The following ITGA2 variants were observed in gnomAD, a reference collection of about 807,000 sequenced individuals.
ITGA2 encodes the protein integrin alpha-2.
A neutral mutation model predicts 146.3 loss-of-function variants in ITGA2; 101 were observed. The observed-to-expected ratio is 0.69, with a 90% CI of 0.59 to 0.81. ITGA2 has a LOEUF of 0.81. Ranked by LOEUF, ITGA2 falls within the 40% of genes least tolerant of loss-of-function variation. The pLI is 0.00. For missense variants in ITGA2, 1,281 were observed against 1,402.7 expected (o/e 0.91, Z 1.39); for synonymous variants, 477 against 487.1 (o/e 0.98, Z 0.27).
rs1342019678 is a variant in ITGA2 at position 53,065,959 on chromosome 5, G to T, written c.1925G>T (p.Gly642Val). The change falls in exon 15 of 30, where the codon GGA becomes GTA. Residue 642 changes from glycine to valine, a missense_variant. Physicochemically the swap from Gly to Val is moderately radical, Grantham distance 109 (BLOSUM62 -3). Transcript: ENST00000296585. ...SITDVSIGAFGQVVQLWSQSI... is the reference protein window; with the variant it reads ...SITDVSIGAFVQVVQLWSQSI... ...ACCGATGTGTCTATTGGTGCCTTTG[G>T]ACAAGTGGTTCAACTCTGGTGAGTC... 1.2e-6 allele frequency: 2 copies of T among 1,611,842 alleles called. No homozygotes were observed. Among genetic ancestry groups the T allele is most frequent in the African/African-American group, 2.7e-5 (2 of 74,718 alleles).
At chr5:53,077,825 T>C (rs1306721417) in intron 23 of ITGA2, among the ~76,000 whole-genome samples, 1 of 151,976 alleles carries the variant, frequency 6.6e-6, no homozygotes, top group Non-Finnish European at 1.5e-5. Flanking sequence ...AAATTCTACT[T>C]CAGAAAATAT....
At position 53,056,029 on chromosome 5, in the gene ITGA2, A is replaced by T. The variant is rs752951302; in HGVS notation, c.976A>T (p.Ile326Leu). The T allele has an allele frequency of 9.9e-6, 16 of 1,608,964 alleles. No homozygotes were observed. The East Asian group carries it at 3.4e-4, about 34-fold the overall frequency. Reference sequence around the variant, plus strand: ...AAACGCCCTTGATACTAAAAATTTAATAAAAGAAATAAAAGCAATCGCTAG... The same window carrying T: ...AAACGCCCTTGATACTAAAAATTTATTAAAAGAAATAAAAGCAATCGCTAG... ...NRNALDTKNL[I>L]KEIKAIASIP... The change falls in exon 9 of 30, where the codon ATA becomes TTA. Residue 326 changes from isoleucine (I) to leucine (L), a missense_variant. Ile to Leu is a conservative substitution (Grantham distance 5). This residue lies in a region of ITGA2 where 795 missense variants were observed against 841.7 expected (regional missense o/e 0.94). Coordinates refer to ENST00000296585, the MANE Select transcript of ITGA2 (RefSeq NM_002203.4).
Position 53,058,106 on chromosome 5 carries a change from G to A in ITGA2, c.1173+5G>A, listed in dbSNP as rs200093915. The A allele has an allele frequency of 1.4e-5, 23 of 1,600,702 alleles. No individual in the cohort carries two copies. The highest frequency in any genetic ancestry group is 2.7e-5 in the African/African-American group (2 of 74,684). On this transcript the variant is annotated splice_donor_5th_base_variant and intron_variant, in intron 10 of 29. Coordinates refer to ENST00000296585, the MANE Select transcript of ITGA2 (RefSeq NM_002203.4). ...GCAGATTACTCTTCTCAAAATGTGC[G>A]TATATCAGATAGCTTCAAGCCATGT...
At chr5:53,052,047 T>C (rs1332959037) in intron 7 of ITGA2, among the ~76,000 whole-genome samples, 1 of 152,142 alleles carries the variant, frequency 6.6e-6, no homozygotes, top group African/African-American at 2.4e-5. Flanking sequence ...TCTCAATTTC[T>C]CTATTTTCTC....
chr5:53,081,086 G>T (rs3212616), intron 25 of ITGA2, among the ~76,000 whole-genome samples: 133,752 of 152,070 alleles, frequency 0.88, 59,327 homozygotes, highest in Admixed American at 0.92. Context: ...TAAATCAGAA[G>T]CTCTAGGGGT....
In ITGA2 at chr5:53,067,570, C is replaced by A. The variant is rs531102686; in HGVS notation, c.2083+313C>A. Reference sequence around the variant, plus strand: ...TCTTACTTAAAACCTTGAGCATACACAGATTATGCTGAACTGCCACTCAAA... The same window carrying A: ...TCTTACTTAAAACCTTGAGCATACAAAGATTATGCTGAACTGCCACTCAAA... On this transcript the variant is annotated intron_variant, in intron 16 of 29. Transcript: ENST00000296585. Among the ~76,000 whole-genome samples, 72 of 151,962 alleles carry A rather than the reference C, an allele frequency of 4.7e-4. 1 individual carries two copies. Among genetic ancestry groups the A allele is most frequent in the Middle Eastern group, 3.4e-3 (1 of 294 alleles).
intron 1 of ITGA2, among the ~76,000 whole-genome samples, chr5:53,016,022 G>T (rs996969712): frequency 1.3e-5 from 2 of 152,144 alleles, no homozygotes; most frequent in African/African-American, 4.8e-5. Context: ...ATACACTCGG[G>T]TCTTGCTTCT....
rs761499417 is a variant in ITGA2 at position 53,073,122 on chromosome 5, C to A, written c.2434C>A (p.Gln812Lys). The A allele has an allele frequency of 2.5e-5, 41 of 1,611,698 alleles. No individual in the cohort carries two copies. The highest frequency in any genetic ancestry group is 3.5e-5 in the Non-Finnish European group (41 of 1,178,548). ...CCTCCTTTTTACTTTTAACAGAGAA[C>A]AACCCTTTATTGTCAGCAACCAAAA... ...DVRQIPAAQE[Q>K]PFIVSNQNKR... The change falls in exon 20 of 30, where the codon CAA becomes AAA. Residue 812 changes from glutamine to lysine, a missense_variant. Gln to Lys is a moderately conservative substitution (Grantham distance 53). Transcript: ENST00000296585.
intron 23 of ITGA2, 44 bp from the exon 24 acceptor site, chr5:53,078,727 CA>C: frequency 8.8e-7 from 1 of 1,135,170 alleles, no homozygotes; most frequent in South Asian, 1.2e-5. Flanking sequence ...CCTTCAAGAA[CA>C]AAAGCAAACT....
chr5:53,078,979 G>A (rs774520598), intron 24 of ITGA2, 105 bp downstream of exon 24: 114 of 738,128 alleles, frequency 1.5e-4, no homozygotes, highest in South Asian at 1.9e-4. Flanking sequence ...AAAGAGATCC[G>A]TGGTTCTCAA....
intron 1 of ITGA2, among the ~76,000 whole-genome samples, chr5:53,018,513 C>T (rs770839479): frequency 5.9e-5 from 9 of 151,756 alleles, no homozygotes; most frequent in Non-Finnish European, 1.3e-4. Flanking sequence ...GCCCAGCATC[C>T]GTGTCCTCCC....
chr5:52,998,663 C>T (rs1741405363), intron 1 of ITGA2, among the ~76,000 whole-genome samples: 1 of 152,254 alleles, frequency 6.6e-6, no homozygotes, highest in Non-Finnish European at 1.5e-5. Flanking sequence ...CTCACTTGGA[C>T]CCTTCCATAG....
At position 53,059,890 on chromosome 5, in the gene ITGA2, G is replaced by T. The variant is rs1408527772; in HGVS notation, c.1190G>T (p.Gly397Val). The T allele has an allele frequency of 6.2e-7, 1 of 1,612,118 alleles. No homozygotes were observed. Among genetic ancestry groups the T allele is most frequent in the South Asian group, 1.1e-5 (1 of 91,052 alleles). ...YSSQNDILMLGAVGAFGWSGT... is the reference protein window; with the variant it reads ...YSSQNDILMLVAVGAFGWSGT... ...TTATTTTAGGATATTCTGATGCTGGGTGCAGTGGGAGCTTTTGGCTGGAGT... is the reference window on the plus strand; with the variant it reads ...TTATTTTAGGATATTCTGATGCTGGTTGCAGTGGGAGCTTTTGGCTGGAGT... The change falls in exon 11 of 30, where the codon GGT becomes GTT. Residue 397 changes from glycine to valine, a missense_variant. Gly to Val is a moderately radical substitution (Grantham distance 109). This residue lies in a region of ITGA2 where 795 missense variants were observed against 841.7 expected (regional missense o/e 0.94). Coordinates refer to ENST00000296585, the MANE Select transcript of ITGA2 (RefSeq NM_002203.4).
At chr5:53,064,244 A>T (rs1745037152) in intron 13 of ITGA2, among the ~76,000 whole-genome samples, 1 of 151,916 alleles carries the variant, frequency 6.6e-6, no homozygotes. Flanking sequence ...CTTTAATTTC[A>T]TTCAAGATAT....
At position 53,049,075 on chromosome 5, in the gene ITGA2, G is replaced by A. The variant is rs560916628; in HGVS notation, c.630+305G>A. Among the ~76,000 whole-genome samples the A allele has an allele frequency of 1.3e-3, 190 of 151,458 alleles. 1 individual carries two copies. Among genetic ancestry groups the A allele is most frequent in the African/African-American group, 4.5e-3 (186 of 41,228 alleles). ...CACCTAGGCTGGAGTGCAATGGCACGATTTAGGCTCACTGCAACCTCTGCC... is the reference window on the plus strand; with the variant it reads ...CACCTAGGCTGGAGTGCAATGGCACAATTTAGGCTCACTGCAACCTCTGCC... On this transcript the variant is annotated intron_variant, in intron 6 of 29. Transcript: ENST00000296585.
At chr5:53,064,811 T>G (rs1329380577) in intron 13 of ITGA2, 101 bp from the exon 14 acceptor site, 2 of 1,121,214 alleles carry the variant, frequency 1.8e-6, no homozygotes, top group Non-Finnish European at 2.7e-6. Context: ...TCTGGAGTCT[T>G]TGGGATTACA....
At position 53,048,712 on chromosome 5, in the gene ITGA2, T is replaced by C. The variant is rs1235792606; in HGVS notation, c.572T>C (p.Val191Ala). The C allele has an allele frequency of 6.2e-7, 1 of 1,614,056 alleles. No individual in the cohort carries two copies. Among genetic ancestry groups the C allele is most frequent in the Admixed American group, 1.7e-5 (1 of 60,010 alleles). The change falls in exon 6 of 30, where the codon GTA becomes GCA. Residue 191 changes from valine (V) to alanine (A), a missense_variant. Transcript: ENST00000296585. Reference protein sequence around the residue: ...ESNSIYPWDAVKNFLEKFVQG... With the variant: ...ESNSIYPWDAAKNFLEKFVQG... ...AATAGTATTTATCCTTGGGATGCAG[T>C]AAAGAATTTTTTGGAAAAATTTGTA...
Position 53,069,974 on chromosome 5 carries a change from A to G in ITGA2, c.2084-135A>G, listed in dbSNP as rs564946942. On this transcript the variant is annotated intron_variant, in intron 16 of 29. Coordinates refer to ENST00000296585, the MANE Select transcript of ITGA2 (RefSeq NM_002203.4). ...TTTGTGGTGCTAGCTATGGTTCACA[A>G]GCCACCAATATGAAGACTATTTCCA... 6.7e-4 allele frequency: 472 copies of G among 707,200 alleles called. 9 individuals are homozygous for G. Among genetic ancestry groups the G allele is most frequent in the South Asian group, 6.5e-3 (380 of 58,038 alleles). 43.8% of individuals were successfully genotyped at this position (707,200 alleles called of 1,614,324 possible). A position where few individuals can be genotyped will look rare whatever the true frequency, so the allele number is the denominator to read the frequency against.
chr5:52,993,842 G>A (rs531381670), intron 1 of ITGA2, among the ~76,000 whole-genome samples: 2 of 152,086 alleles, frequency 1.3e-5, no homozygotes, highest in Admixed American at 1.3e-4. Context: ...ACACTGCTCA[G>A]CTTGGGATAT....
Sources: gnomAD v4.1 joint callset for allele counts (sites outside exome capture counted in the v4.1 genomes callset) on GRCh38, gnomAD v4.1.1 for gene constraint, gnomAD v4.1.1 regional missense constraint, MANE v1.5 for transcripts, NCBI Gene and HGNC (gene_info 2026-07-23, HGNC 2026-07-21) for gene names.